The following ABLIM3 variants were observed in gnomAD, a reference collection of about 807,000 sequenced individuals.
ABLIM3 encodes actin-binding LIM protein 3.
A neutral mutation model predicts 109.5 loss-of-function variants in ABLIM3; 61 were observed. The observed-to-expected ratio is 0.56, with a 90% CI of 0.45 to 0.69. The LOEUF (loss-of-function observed/expected upper bound fraction) is 0.69. Ranked by LOEUF, ABLIM3 falls within the 30% of genes least tolerant of loss-of-function variation. The probability of loss-of-function intolerance (pLI) is 0.00; values close to 1 mark genes in which losing one functional copy is unlikely to be tolerated. For synonymous variants in ABLIM3, 300 were observed against 324.8 expected (o/e 0.92, Z 0.82); for missense variants, 796 against 889.5 (o/e 0.89, Z 1.34).
chr5:149,249,953 C>A, intron 19 of ABLIM3, 109 bp downstream of exon 19: 2 of 1,328,464 alleles, frequency 1.5e-6, no homozygotes, highest in Non-Finnish European at 2.2e-6. Flanking sequence ...GATGTCCCAG[C>A]CCACTCCTGA....
At chr5:149,246,638 C>T in intron 17 of ABLIM3, 92 bp downstream of exon 17, 2 of 1,369,628 alleles carry the variant, frequency 1.5e-6, no homozygotes, top group Non-Finnish European at 2.0e-6. Context: ...AGATTCAAGC[C>T]CACTTATGAT....
intron 5 of ABLIM3, 80 bp downstream of exon 5, chr5:149,200,508 C>A: frequency 6.9e-7 from 1 of 1,447,166 alleles, no homozygotes; most frequent in South Asian, 1.2e-5. Context: ...GCCAACTGCT[C>A]CCACGGGCCT....
At chr5:149,227,381 C>G (rs1466499611) in intron 8 of ABLIM3, among the ~76,000 whole-genome samples, 1 of 152,150 alleles carries the variant, frequency 6.6e-6, no homozygotes, top group African/African-American at 2.4e-5. Flanking sequence ...GGGTGACAAT[C>G]TCAGAGGACA....
chr5:149,154,443 A>G (rs1747366879), intron 2 of ABLIM3, among the ~76,000 whole-genome samples: 1 of 152,214 alleles, frequency 6.6e-6, no homozygotes, highest in South Asian at 2.1e-4. Flanking sequence ...GAGAGGCAGC[A>G]TTTCAGGAAC....
At chr5:149,211,301 C>G (rs1196042460) in intron 7 of ABLIM3, among the ~76,000 whole-genome samples, 1 of 152,126 alleles carries the variant, frequency 6.6e-6, no homozygotes, top group Non-Finnish European at 1.5e-5. Context: ...CTCTCCCCAG[C>G]CTTTGATGTA....
At chr5:149,192,187 T>C (rs1200864121) in intron 3 of ABLIM3, among the ~76,000 whole-genome samples, 4 of 151,814 alleles carry the variant, frequency 2.6e-5, no homozygotes, top group African/African-American at 9.7e-5. Flanking sequence ...CAGCAAGATA[T>C]AGAAATAAAA....
At chr5:149,196,582 G>A (rs1436069811) in intron 3 of ABLIM3, among the ~76,000 whole-genome samples, 2 of 152,264 alleles carry the variant, frequency 1.3e-5, no homozygotes, top group Non-Finnish European at 2.9e-5. Flanking sequence ...TAGGTGGAAA[G>A]TCAGTCCATC....
In ABLIM3 at chr5:149,213,362, G is replaced by A. The variant is rs183576057; in HGVS notation, c.669+2543G>A. 3.3e-5 allele frequency among the ~76,000 whole-genome samples: 5 copies of A among 152,232 alleles called. No individual in the cohort carries two copies. The South Asian group carries it at 6.2e-4, about 19-fold the overall frequency. ...CAGAGGAAGATATGGGAAGAGAATC[G>A]GGCATTCAGTGAAAGGACAGAGCTT... On this transcript the variant is annotated intron_variant, in intron 7 of 23. Coordinates refer to ENST00000309868, the MANE Select transcript of ABLIM3 (RefSeq NM_014945.5).
At chr5:149,144,963 T>A (rs963012555) in intron 2 of ABLIM3, among the ~76,000 whole-genome samples, 17 of 152,360 alleles carry the variant, frequency 1.1e-4, no homozygotes, top group Non-Finnish European at 7.3e-5. Flanking sequence ...AGGTTTCAAA[T>A]TCTGCAAATA....
At chr5:149,179,491 G>A (rs907470393) in intron 2 of ABLIM3, among the ~76,000 whole-genome samples, 2 of 152,146 alleles carry the variant, frequency 1.3e-5, no homozygotes, top group Non-Finnish European at 2.9e-5. Context: ...TCAAATTCAG[G>A]ATGGGTGAAT....
intron 2 of ABLIM3, among the ~76,000 whole-genome samples, chr5:149,150,385 A>G (rs962003462): frequency 6.6e-6 from 1 of 152,258 alleles, no homozygotes; most frequent in African/African-American, 2.4e-5. Flanking sequence ...CCACAAGGAT[A>G]GAGATTGTTT....
At chr5:149,235,472 A>G (rs1396943551) in intron 10 of ABLIM3, among the ~76,000 whole-genome samples, 1 of 152,084 alleles carries the variant, frequency 6.6e-6, no homozygotes, top group Admixed American at 6.5e-5. Flanking sequence ...TTCCTGGCTA[A>G]TTATGTTAGG....
At position 149,259,633 on chromosome 5, in the gene ABLIM3, G is replaced by A. The variant is rs994273886; in HGVS notation, c.*1229G>A. The stretch of plus-strand genomic sequence containing the variant: ...CATGGCCATCCTGGATTTTCCCAGT[G>A]GCTTCCCTTCCTGCTCGCCTCCCTG... On this transcript the variant is annotated 3_prime_UTR_variant, in exon 24 of 24. Coordinates refer to ENST00000309868, the MANE Select transcript of ABLIM3 (RefSeq NM_014945.5). 16 of 1,515,852 alleles carry A rather than the reference G, an allele frequency of 1.1e-5. No individual in the cohort carries two copies. In the African/African-American group the frequency reaches 2.1e-4, roughly 20 times the overall value. 93.9% of individuals were successfully genotyped at this position (1,515,852 alleles called of 1,614,324 possible).
chr5:149,257,496 T>A (rs1754540151), intron 23 of ABLIM3, among the ~76,000 whole-genome samples: 1 of 152,208 alleles, frequency 6.6e-6, no homozygotes, highest in Non-Finnish European at 1.5e-5. Flanking sequence ...AATTTTAAAT[T>A]TCATTTTGAA....
chr5:149,152,493 G>A (rs572531038), intron 2 of ABLIM3, among the ~76,000 whole-genome samples: 1 of 152,172 alleles, frequency 6.6e-6, no homozygotes, highest in South Asian at 2.1e-4. Context: ...GAAGGGTGAT[G>A]TCATATCCTG....
At chr5:149,241,425 C>T (rs77566665) in intron 14 of ABLIM3, among the ~76,000 whole-genome samples, 4,578 of 152,184 alleles carry the variant, frequency 0.03, 107 homozygotes, top group African/African-American at 0.063. Flanking sequence ...CTAGATGGGG[C>T]GGTCAGGAAG....
rs1752547995 is a variant in ABLIM3, at chr5:149,239,248, T to A, written c.1045T>A (p.Ser349Thr). ...EMLERCGYGE[S>T]LGTLSPYSQD... Reference sequence around the variant, plus strand: ...TGCCTTCAAACTCTTCACTTCTAAGTCGCTGGGAACATTATCTCCCTACTC... The same window carrying A: ...TGCCTTCAAACTCTTCACTTCTAAGACGCTGGGAACATTATCTCCCTACTC... The change falls in exon 12 of 24, where the codon TCG becomes ACG. Residue 349 changes from serine (S) to threonine (T), a missense_variant and splice_region_variant. By Grantham distance (58) the Ser-to-Thr change is moderately conservative. Coordinates refer to ENST00000309868, the MANE Select transcript of ABLIM3 (RefSeq NM_014945.5). 3 of 1,614,058 alleles carry A rather than the reference T, an allele frequency of 1.9e-6. No homozygotes were observed. The highest frequency in any genetic ancestry group is 2.5e-6 in the Non-Finnish European group (3 of 1,179,956).
chr5:149,179,999 G>A (rs1756320713), intron 2 of ABLIM3, among the ~76,000 whole-genome samples: 1 of 152,136 alleles, frequency 6.6e-6, no homozygotes. Context: ...GAAGCCAGAG[G>A]TTCTCTGCAT....
chr5:149,217,327 G>A (rs778735241), intron 8 of ABLIM3: 54 of 477,596 alleles, frequency 1.1e-4, no homozygotes, highest in Admixed American at 3.7e-4. Flanking sequence ...AGACTCTCCT[G>A]GCTCTGCCTT....
Sources: gnomAD v4.1 joint callset for allele counts (sites outside exome capture counted in the v4.1 genomes callset) on GRCh38, gnomAD v4.1.1 for gene constraint, MANE v1.5 for transcripts, NCBI Gene and HGNC (gene_info 2026-07-23, HGNC 2026-07-21) for gene names.